DLGAP1: variants seen among roughly 807,000 people sequenced by gnomAD.
DLGAP1 encodes disks large-associated protein 1.
Under a neutral mutation model 90.8 loss-of-function variants are expected in DLGAP1, and 11 were observed. The observed-to-expected ratio is 0.12, with a 90% CI of 0.08 to 0.20. The LOEUF (loss-of-function observed/expected upper bound fraction) is 0.20. Among genes scored for constraint, DLGAP1 ranks in the 10% least tolerant of loss-of-function variants. The probability of loss-of-function intolerance (pLI) is 1.00; values close to 1 mark genes in which losing one functional copy is unlikely to be tolerated. For synonymous variants in DLGAP1, 558 were observed against 540.7 expected (o/e 1.03, Z -0.44); for missense variants, 1,050 against 1,333.8 (o/e 0.79, Z 3.31).
chr18:3,910,553 G>A (rs1206491646), intron 3 of DLGAP1, among the ~76,000 whole-genome samples: 1 of 152,184 alleles, frequency 6.6e-6, no homozygotes, highest in Non-Finnish European at 1.5e-5. Context: ...ATTTGGGTAG[G>A]TGACCTCAGG....
In DLGAP1 at chr18:3,738,437, A is replaced by G. The variant is rs1434500555; in HGVS notation, c.1350+3898T>C. Among the ~76,000 whole-genome samples, 45 of 147,798 alleles carry G rather than the reference A, an allele frequency of 3.0e-4. 1 individual carries two copies. In the Middle Eastern group the frequency reaches 0.025, roughly 81 times the overall value. ...GGTACCAAAACAGAGATATAGATCA[A>G]TGGAACAGAACAGAGCCCTCAGAAA... is the stretch of plus-strand genomic sequence containing the variant. On this transcript the variant is annotated intron_variant, in intron 6 of 12. Transcript: ENST00000315677.
At chr18:4,453,541 G>A (rs2083887564) in intron 1 of DLGAP1, among the ~76,000 whole-genome samples, 2 of 152,116 alleles carry the variant, frequency 1.3e-5, no homozygotes, top group African/African-American at 4.8e-5. Context: ...TCAAAGGGCT[G>A]TTCTTTTTAG....
At chr18:3,661,275 C>T (rs911782629) in intron 7 of DLGAP1, among the ~76,000 whole-genome samples, 1 of 152,196 alleles carries the variant, frequency 6.6e-6, no homozygotes, top group Non-Finnish European at 1.5e-5. Flanking sequence ...AAAATGGCCA[C>T]AAATTCTTCC....
At chr18:4,137,276 A>G (rs1568416060) in intron 2 of DLGAP1, among the ~76,000 whole-genome samples, 1 of 152,172 alleles carries the variant, frequency 6.6e-6, no homozygotes, top group Non-Finnish European at 1.5e-5. Context: ...TATATGTGCC[A>G]CATTTTCTTA....
chr18:3,630,749 A>G (rs1032826330), intron 7 of DLGAP1, among the ~76,000 whole-genome samples: 1 of 152,098 alleles, frequency 6.6e-6, no homozygotes, highest in Non-Finnish European at 1.5e-5. Flanking sequence ...TGCTAACACC[A>G]TGTCTTATTA....
chr18:4,099,481 T>C (rs1034043953), intron 2 of DLGAP1, among the ~76,000 whole-genome samples: 5 of 152,218 alleles, frequency 3.3e-5, no homozygotes, highest in African/African-American at 1.2e-4. Context: ...TACACTGCAC[T>C]GTAGTTTATT....
intron 3 of DLGAP1, among the ~76,000 whole-genome samples, chr18:3,973,290 C>CAAAAA (rs3031700): frequency 7.4e-6 from 1 of 134,878 alleles, no homozygotes; most frequent in Admixed American, 7.6e-5. Flanking sequence ...TAGCCATAGC[C>CAAAAA]AAAAAAAAAA....
chr18:4,286,909 G>A (rs1324096575), intron 1 of DLGAP1, among the ~76,000 whole-genome samples: 1 of 152,086 alleles, frequency 6.6e-6, no homozygotes, highest in African/African-American at 2.4e-5. Flanking sequence ...ACGATAATTG[G>A]GGGAGTGAAC....
intron 1 of DLGAP1, among the ~76,000 whole-genome samples, chr18:4,359,777 CAAGCAGGCCCTGG>C (rs1171055206): frequency 6.6e-6 from 1 of 152,250 alleles, no homozygotes; most frequent in African/African-American, 2.4e-5. Context: ...AATATACATT[CAAGCAGGCCCTGG>C]AAGCAGGCCC....
intron 2 of DLGAP1, among the ~76,000 whole-genome samples, chr18:4,075,212 T>C (rs942693245): frequency 5.9e-5 from 9 of 152,222 alleles, no homozygotes; most frequent in African/African-American, 2.2e-4. Context: ...TCTCCAGATA[T>C]GCATTCTTAT....
chr18:4,057,294 C>CA (rs1198039968), intron 2 of DLGAP1, among the ~76,000 whole-genome samples: 3 of 152,176 alleles, frequency 2.0e-5, no homozygotes, highest in Non-Finnish European at 2.9e-5. Context: ...GAAGTACACC[C>CA]AAGCATGCAT....
intron 5 of DLGAP1, among the ~76,000 whole-genome samples, chr18:3,806,350 TC>T (rs997342627): frequency 1.2e-4 from 18 of 152,216 alleles, no homozygotes; most frequent in Admixed American, 2.6e-4. Flanking sequence ...AATTTTAAGT[TC>T]CTTTCTTCTT....
chr18:4,077,714 G>C (rs1352259488), intron 2 of DLGAP1, among the ~76,000 whole-genome samples: 2 of 152,110 alleles, frequency 1.3e-5, no homozygotes, highest in Non-Finnish European at 2.9e-5. Flanking sequence ...CCAGATATTA[G>C]AATTATGGGT....
chr18:3,768,730 C>T (rs2064374284), intron 5 of DLGAP1, among the ~76,000 whole-genome samples: 1 of 152,158 alleles, frequency 6.6e-6, no homozygotes, highest in Admixed American at 6.5e-5. Flanking sequence ...AGCAATTGGA[C>T]ATCCACAGGC....
At chr18:4,223,623 CA>C (rs1409295181) in intron 1 of DLGAP1, among the ~76,000 whole-genome samples, 1 of 152,134 alleles carries the variant, frequency 6.6e-6, no homozygotes, top group African/African-American at 2.4e-5. Flanking sequence ...TATGTAACAA[CA>C]ATAGATATTA....
chr18:4,177,184 T>A (rs776772009), intron 1 of DLGAP1, among the ~76,000 whole-genome samples: 70 of 152,278 alleles, frequency 4.6e-4, no homozygotes, highest in South Asian at 1.2e-3. Context: ...CTAGTGACTG[T>A]TTGATTCTTC....
chr18:4,325,148 T>C (rs1288233992), intron 1 of DLGAP1, among the ~76,000 whole-genome samples: 4 of 152,096 alleles, frequency 2.6e-5, no homozygotes, highest in African/African-American at 9.7e-5. Flanking sequence ...TGATCTGATA[T>C]ACAACTTTAG....
At chr18:4,163,409 C>T (rs2139872) in intron 1 of DLGAP1, among the ~76,000 whole-genome samples, 8 of 151,988 alleles carry the variant, frequency 5.3e-5, no homozygotes, top group Non-Finnish European at 1.2e-4. Flanking sequence ...GTGCCTTAGA[C>T]GGCCCAGTGA....
intron 4 of DLGAP1, among the ~76,000 whole-genome samples, chr18:3,815,263 C>T (rs2067045005): frequency 6.6e-6 from 1 of 152,190 alleles, no homozygotes; most frequent in African/African-American, 2.4e-5. Flanking sequence ...TGCATTTACT[C>T]CCCAGTCACT....
Sources: allele counts gnomAD v4.1 joint callset (sites outside exome capture counted in the v4.1 genomes callset), GRCh38; gene constraint gnomAD v4.1.1; transcripts MANE v1.5; gene names NCBI Gene and HGNC (gene_info 2026-07-23, HGNC 2026-07-21).